Variants in NLGN1 observed in about 807,000 individuals in gnomAD.
NLGN1 encodes neuroligin 1.
A neutral mutation model predicts 65.5 loss-of-function variants in NLGN1; 12 were observed. That is an observed-to-expected ratio of 0.18 (90% CI 0.12 to 0.30). The LOEUF is 0.30. NLGN1 is among the 10% of genes least tolerant of loss of function. The probability of loss-of-function intolerance (pLI) is 1.00; values close to 1 mark genes in which losing one functional copy is unlikely to be tolerated. For synonymous variants in NLGN1, 350 were observed against 359.5 expected (o/e 0.97, Z 0.30); for missense variants, 750 against 1,007.1 (o/e 0.74, Z 3.46).
intron 4 of NLGN1, among the ~76,000 whole-genome samples, chr3:174,071,448 G>A (rs1403876027): frequency 1.3e-5 from 2 of 152,134 alleles, no homozygotes; most frequent in African/African-American, 2.4e-5. Flanking sequence ...TTGGGAGACC[G>A]AGGTGGGTGG....
rs1473667267 is a variant in NLGN1 at position 174,279,485 on chromosome 3, AT to A, written c.1485del (p.Gln496ArgfsTer22). ...GCCTTTTACCATCATTGCCAAACAG[AT>A]CAGGTTCCAGCTTGGGCTGATGCAG... On this transcript the variant is annotated frameshift_variant, in exon 6 of 7. Coordinates refer to ENST00000457714, the Ensembl canonical transcript of NLGN1. LOFTEE classifies it high-confidence loss of function. This position sits in a 1 kb window ranked among gnomAD's most constrained non-coding sequence, Gnocchi z 4.7. 1 of 1,612,994 alleles carries A rather than the reference AT, an allele frequency of 6.2e-7. No homozygotes were observed. Among genetic ancestry groups the A allele is most frequent in the Non-Finnish European group, 8.5e-7 (1 of 1,179,512 alleles).
rs111546854 is a variant in NLGN1, at chr3:174,037,488, G to A, written c.646+229656G>A. On this transcript the variant is annotated intron_variant, in intron 4 of 6. Coordinates refer to ENST00000457714, the Ensembl canonical transcript of NLGN1. ...TTTTGATGTTAGAGAACACGATGTC[G>A]ATGAAAGCACTAGCAATATAATATC... Among the ~76,000 whole-genome samples the A allele has an allele frequency of 2.2e-3, 339 of 152,246 alleles. 2 individuals carry two copies. The highest frequency in any genetic ancestry group is 7.8e-3 in the African/African-American group (325 of 41,544).
chr3:174,175,683 T>C (rs1351682078), intron 4 of NLGN1, among the ~76,000 whole-genome samples: 1 of 151,984 alleles, frequency 6.6e-6, no homozygotes, highest in Non-Finnish European at 1.5e-5. Flanking sequence ...TAAAGTACCT[T>C]AATGTGTAAT....
At chr3:174,198,582 A>G (rs1318644347) in intron 4 of NLGN1, among the ~76,000 whole-genome samples, 1 of 152,220 alleles carries the variant, frequency 6.6e-6, no homozygotes, top group Non-Finnish European at 1.5e-5. Flanking sequence ...TTATTTCATA[A>G]TAGTCCCATC....
At chr3:173,989,324 C>T (rs565524466) in intron 4 of NLGN1, among the ~76,000 whole-genome samples, 1 of 152,140 alleles carries the variant, frequency 6.6e-6, no homozygotes, top group East Asian at 1.9e-4. Context: ...CCTTGAAAAA[C>T]TCTTGTCCAC....
intron 3 of NLGN1, among the ~76,000 whole-genome samples, chr3:173,646,632 A>C (rs1758316631): frequency 6.6e-6 from 1 of 152,226 alleles, no homozygotes; most frequent in African/African-American, 2.4e-5. Flanking sequence ...ATTATTACAT[A>C]TCAATAAAAA....
chr3:173,590,155 A>G (rs566167184), intron 2 of NLGN1, among the ~76,000 whole-genome samples: 2 of 152,276 alleles, frequency 1.3e-5, no homozygotes, highest in South Asian at 4.1e-4. Flanking sequence ...GAGCAATTTA[A>G]TAGTTAACTA....
intron 4 of NLGN1, among the ~76,000 whole-genome samples, chr3:173,821,483 T>A (rs4461447): frequency 5.9e-5 from 9 of 152,104 alleles, no homozygotes; most frequent in African/African-American, 1.7e-4. Context: ...AGAAATACTC[T>A]TTATTCTTTT....
chr3:173,480,785 T>C (rs761475519), intron 2 of NLGN1, among the ~76,000 whole-genome samples: 29 of 152,126 alleles, frequency 1.9e-4, no homozygotes, highest in Non-Finnish European at 2.9e-4. Flanking sequence ...ATTTATTAAG[T>C]ATAGGTTCTT....
intron 4 of NLGN1, among the ~76,000 whole-genome samples, chr3:173,825,721 T>C (rs1366955576): frequency 1.3e-5 from 2 of 152,108 alleles, no homozygotes; most frequent in Non-Finnish European, 2.9e-5. Flanking sequence ...AAAATTAAAA[T>C]AACTATATTC....
intron 4 of NLGN1, among the ~76,000 whole-genome samples, chr3:174,138,863 A>G (rs1018085367): frequency 2.0e-5 from 3 of 152,196 alleles, no homozygotes; most frequent in Admixed American, 2.0e-4. Flanking sequence ...AAAATGGGAA[A>G]AAAAAGGGAA....
chr3:173,755,596 C>A (rs1387002), intron 3 of NLGN1, among the ~76,000 whole-genome samples: 127,472 of 152,034 alleles, frequency 0.84, 53,870 homozygotes, highest in East Asian at 1. Flanking sequence ...CAGAAGCAGG[C>A]ACATAAAGAC....
At chr3:173,706,809 G>A (rs950806807) in intron 3 of NLGN1, among the ~76,000 whole-genome samples, 4 of 152,144 alleles carry the variant, frequency 2.6e-5, no homozygotes, top group East Asian at 1.9e-4. Context: ...ACACACATAC[G>A]CACACACACG....
chr3:174,153,942 A>G (rs1049933538), intron 4 of NLGN1, among the ~76,000 whole-genome samples: 1 of 152,116 alleles, frequency 6.6e-6, no homozygotes, highest in Non-Finnish European at 1.5e-5. Context: ...GCCAATTCAA[A>G]ATGGCTGTGA....
At chr3:173,558,496 A>AT (rs1298601825) in intron 2 of NLGN1, among the ~76,000 whole-genome samples, 1 of 151,996 alleles carries the variant, frequency 6.6e-6, no homozygotes, top group African/African-American at 2.4e-5. Context: ...AAACTCTTTC[A>AT]TTTTTTAGCA....
At chr3:173,545,316 C>T (rs2149245693) in intron 2 of NLGN1, among the ~76,000 whole-genome samples, 1 of 152,182 alleles carries the variant, frequency 6.6e-6, no homozygotes, top group South Asian at 2.1e-4. Flanking sequence ...TCAGGTGATC[C>T]ACCCACCTAG....
At chr3:174,138,003 C>T (rs1192949136) in intron 4 of NLGN1, among the ~76,000 whole-genome samples, 1 of 152,106 alleles carries the variant, frequency 6.6e-6, no homozygotes. Context: ...CTCTGCTAAT[C>T]CATTTGACTC....
At chr3:173,677,373 T>A (rs1218902133) in intron 3 of NLGN1, among the ~76,000 whole-genome samples, 1 of 152,062 alleles carries the variant, frequency 6.6e-6, no homozygotes, top group Admixed American at 6.6e-5. Flanking sequence ...TGTTAGCCTT[T>A]CTTGCATGTA....
intron 3 of NLGN1, among the ~76,000 whole-genome samples, chr3:173,642,588 G>T (rs75104390): frequency 0.1 from 15,807 of 152,208 alleles, 1,064 homozygotes; most frequent in Non-Finnish European, 0.15. Flanking sequence ...GAGACATGGG[G>T]TAGTGTACTC....
Sources: gnomAD v4.1 joint callset for allele counts (sites outside exome capture counted in the v4.1 genomes callset) on GRCh38, gnomAD v4.1.1 for gene constraint, Gnocchi (gnomAD v3.1) non-coding constraint, MANE v1.5 for transcripts, NCBI Gene and HGNC (gene_info 2026-07-23, HGNC 2026-07-21) for gene names.